The following SLC8A1 variants were observed in gnomAD, a reference collection of about 807,000 sequenced individuals.
SLC8A1 encodes solute carrier family 8 member A1, also known as sodium/calcium exchanger 1.
In SLC8A1, 18 loss-of-function variants were observed where a neutral mutation model predicts 68.3. The ratio of observed to expected loss-of-function variants is 0.26; its 90% confidence interval spans 0.18 to 0.39. The LOEUF is 0.39. Ranked by LOEUF, SLC8A1 falls within the 10% of genes least tolerant of loss-of-function variation. SLC8A1 has a pLI of 1.00. For synonymous variants in SLC8A1, 475 were observed against 415.5 expected (o/e 1.14, Z -1.74); for missense variants, 985 against 1,156.7 (o/e 0.85, Z 2.15).
chr2:40,439,728 T>A (rs1025968963), intron 1 of SLC8A1, among the ~76,000 whole-genome samples: 1 of 152,132 alleles, frequency 6.6e-6, no homozygotes, highest in Non-Finnish European at 1.5e-5. Flanking sequence ...AACTTGAGGT[T>A]TTTAAGTCTT....
intron 2 of SLC8A1, 55 bp from the exon 3 acceptor site, chr2:40,178,548 G>A: frequency 6.9e-7 from 1 of 1,441,866 alleles, no homozygotes; most frequent in Non-Finnish European, 9.7e-7. Context: ...AGAAGAGAAG[G>A]AACATAGAGA....
chr2:40,425,315 T>G (rs969986811), intron 2 of SLC8A1, among the ~76,000 whole-genome samples: 4 of 150,088 alleles, frequency 2.7e-5, no homozygotes, highest in Non-Finnish European at 5.9e-5. Flanking sequence ...TTTTATATTA[T>G]AAATTTAAAT....
At chr2:40,460,754 G>T (rs372110866) in intron 1 of SLC8A1, among the ~76,000 whole-genome samples, 8 of 151,904 alleles carry the variant, frequency 5.3e-5, no homozygotes, top group South Asian at 2.1e-4. Context: ...TATATCTTTT[G>T]TAGAGATGGG....
intron 4 of SLC8A1, among the ~76,000 whole-genome samples, chr2:40,171,496 C>G (rs933077465): frequency 1.1e-4 from 17 of 152,294 alleles, no homozygotes; most frequent in Non-Finnish European, 1.8e-4. Flanking sequence ...TTTCCCCATT[C>G]TGGGGTACTT....
exon 8 of SLC8A1, chr2:40,114,904 AAT>A (rs1372513704): frequency 1.9e-5 from 3 of 156,600 alleles, no homozygotes; most frequent in Non-Finnish European, 2.8e-5. Flanking sequence ...AACAAAACAA[AAT>A]AACAAAAATA....
chr2:40,307,250 C>A (rs998982367), intron 2 of SLC8A1, among the ~76,000 whole-genome samples: 1 of 151,944 alleles, frequency 6.6e-6, no homozygotes, highest in African/African-American at 2.4e-5. Context: ...TCACATGGTA[C>A]ACGGTTGAAC....
rs75785603 is a variant in SLC8A1, at chr2:40,299,156, G to A, written c.1809-121301C>T. 2.7e-4 allele frequency among the ~76,000 whole-genome samples: 41 copies of A among 152,270 alleles called. 1 individual carries two copies. The South Asian group carries it at 6.0e-3, about 22-fold the overall frequency. On this transcript the variant is annotated intron_variant, in intron 2 of 7. Transcript: ENST00000406785. ...GTCGCACACCCCACCTTTCTGGGTGGCAGAGCCATGTGAGGCTGTTGGGCT... is the reference window on the plus strand; with the variant it reads ...GTCGCACACCCCACCTTTCTGGGTGACAGAGCCATGTGAGGCTGTTGGGCT...
chr2:40,393,086 G>C (rs966542897), intron 2 of SLC8A1, among the ~76,000 whole-genome samples: 7 of 151,966 alleles, frequency 4.6e-5, no homozygotes, highest in Non-Finnish European at 8.8e-5. Context: ...AACTCATTCA[G>C]ATTTTAAAAA....
chr2:40,242,971 G>C (rs1016876741), intron 2 of SLC8A1, among the ~76,000 whole-genome samples: 3 of 152,120 alleles, frequency 2.0e-5, no homozygotes, highest in African/African-American at 7.2e-5. Context: ...CTAAATCTGA[G>C]ATCATTGCAG....
At chr2:40,131,353 C>T (rs571783488) in intron 7 of SLC8A1, among the ~76,000 whole-genome samples, 19 of 152,184 alleles carry the variant, frequency 1.2e-4, no homozygotes, top group Non-Finnish European at 8.8e-5. Context: ...GTCAATCTAT[C>T]TGTGAGCTTT....
intron 2 of SLC8A1, among the ~76,000 whole-genome samples, chr2:40,185,426 G>T (rs1026925400): frequency 6.6e-6 from 1 of 152,228 alleles, no homozygotes; most frequent in Non-Finnish European, 1.5e-5. Context: ...GAATGATGTA[G>T]TGATACATGC....
chr2:40,429,065 C>T (rs377398630), exon 2 of SLC8A1: 24 of 1,611,862 alleles, frequency 1.5e-5, no homozygotes, highest in Admixed American at 8.3e-5. Flanking sequence ...ATCTTACTAA[C>T]AGGGTCATTT....
rs576528676 is a variant in SLC8A1 at position 40,365,117 on chromosome 2, C to A, written c.1808+63356G>T. 1.6e-4 allele frequency among the ~76,000 whole-genome samples: 25 copies of A among 152,010 alleles called. 1 individual carries two copies. In the East Asian group the frequency reaches 4.7e-3, roughly 28 times the overall value. On this transcript the variant is annotated intron_variant, in intron 2 of 7. Coordinates refer to ENST00000406785, the Ensembl canonical transcript of SLC8A1. ...CCATGAGTTATTTATGGTACTTTACCATTTTTAGAGTGTATATAAATGCTT... is the reference window on the plus strand; with the variant it reads ...CCATGAGTTATTTATGGTACTTTACAATTTTTAGAGTGTATATAAATGCTT...
intron 2 of SLC8A1, among the ~76,000 whole-genome samples, chr2:40,405,929 C>T (rs1690188885): frequency 6.6e-6 from 1 of 152,170 alleles, no homozygotes; most frequent in Non-Finnish European, 1.5e-5. Context: ...ATTAGCATGA[C>T]TTTGAAAAAT....
chr2:40,207,734 T>C (rs1342014522), intron 2 of SLC8A1, among the ~76,000 whole-genome samples: 1 of 152,166 alleles, frequency 6.6e-6, no homozygotes. Flanking sequence ...TCTTCTGGAA[T>C]ATTTGGTTTA....
chr2:40,305,659 C>G (rs2072437420), intron 2 of SLC8A1, among the ~76,000 whole-genome samples: 1 of 152,118 alleles, frequency 6.6e-6, no homozygotes, highest in Non-Finnish European at 1.5e-5. Context: ...AACAGTTTAC[C>G]TTTCTGACTG....
Position 40,133,391 on chromosome 2 carries a change from TGGGGG to T in SLC8A1, c.2437+6005_2437+6009del, listed in dbSNP as rs3059301. Reference sequence around the variant, plus strand: ...ATTAAAAAGGTTCTATATACAAAATTGGGGGGGGGGGGGGTGGAAACCAAAACCAT... The same window carrying T: ...ATTAAAAAGGTTCTATATACAAAATTGGGGGGGGGTGGAAACCAAAACCAT... On this transcript the variant is annotated intron_variant, in intron 7 of 7. Transcript: ENST00000406785. Among the ~76,000 whole-genome samples the T allele has an allele frequency of 4.1e-4, 59 of 144,468 alleles. 1 individual carries two copies. Among genetic ancestry groups the T allele is most frequent in the South Asian group, 1.3e-3 (6 of 4,620 alleles). The allele number at this position is 144,468 out of a possible 152,430, so 94.8% of individuals were successfully genotyped here.
intron 2 of SLC8A1, among the ~76,000 whole-genome samples, chr2:40,184,934 A>G (rs1345809867): frequency 1.3e-5 from 2 of 151,934 alleles, no homozygotes; most frequent in Admixed American, 1.3e-4. Flanking sequence ...AAGAAAGAAA[A>G]AAAGATGGGC....
At chr2:40,224,714 A>T (rs1334102755) in intron 2 of SLC8A1, among the ~76,000 whole-genome samples, 3 of 152,080 alleles carry the variant, frequency 2.0e-5, no homozygotes, top group Non-Finnish European at 2.9e-5. Context: ...CAGGCATAAA[A>T]TTTGCTTATT....
Sources: allele counts gnomAD v4.1 joint callset (sites outside exome capture counted in the v4.1 genomes callset), GRCh38; gene constraint gnomAD v4.1.1; transcripts MANE v1.5; gene names NCBI Gene and HGNC (gene_info 2026-07-23, HGNC 2026-07-21).